Variants in FAM114A1 observed in about 807,000 individuals in gnomAD.
FAM114A1 encodes the protein family with sequence similarity 114 member A1.
FAM114A1 carries 62 observed loss-of-function variants against 64.3 expected under a neutral mutation model. That is an observed-to-expected ratio of 0.96 (90% CI 0.79 to 1.19). The LOEUF is 1.19. FAM114A1 is among the 50% of genes most tolerant of loss of function. FAM114A1 has a pLI of 0.00. For synonymous variants in FAM114A1, 254 were observed against 251.1 expected (o/e 1.01, Z -0.11); for missense variants, 645 against 676.3 (o/e 0.95, Z 0.51).
intron 4 of FAM114A1, among the ~76,000 whole-genome samples, chr4:38,905,191 G>C (rs1258125720): frequency 6.6e-6 from 1 of 152,150 alleles, no homozygotes; most frequent in Non-Finnish European, 1.5e-5. Flanking sequence ...GAGGTCAGGA[G>C]TTCAAGACAA....
At chr4:38,915,122 T>G (rs1718921525) in intron 8 of FAM114A1, 49 bp downstream of exon 8, 2 of 1,584,284 alleles carry the variant, frequency 1.3e-6, no homozygotes, top group Non-Finnish European at 8.6e-7. Flanking sequence ...CATGTGTTGC[T>G]TAAACATGAA....
At chr4:38,910,826 G>A (rs947178925) in intron 7 of FAM114A1, among the ~76,000 whole-genome samples, 3 of 152,282 alleles carry the variant, frequency 2.0e-5, no homozygotes, top group East Asian at 1.9e-4. Flanking sequence ...AGTGGGCTCC[G>A]GGCGAGAGCT....
intron 7 of FAM114A1, among the ~76,000 whole-genome samples, chr4:38,910,938 C>T (rs972606180): frequency 5.3e-5 from 8 of 152,130 alleles, no homozygotes; most frequent in African/African-American, 1.9e-4. Flanking sequence ...ATGGGGAAAC[C>T]ATTGCAGCAT....
At chr4:38,937,110 A>G (rs914342839) in intron 13 of FAM114A1, among the ~76,000 whole-genome samples, 2 of 152,204 alleles carry the variant, frequency 1.3e-5, no homozygotes, top group Admixed American at 6.5e-5. Context: ...TGCAAAGTCT[A>G]ATGATGTTCT....
At chr4:38,906,224 C>T (rs930234817) in intron 6 of FAM114A1, among the ~76,000 whole-genome samples, 17 of 152,182 alleles carry the variant, frequency 1.1e-4, no homozygotes, top group Non-Finnish European at 2.1e-4. Flanking sequence ...CTTATCTTAT[C>T]CCTGAGTTTG....
Position 38,873,275 on chromosome 4 carries a change from A to G in FAM114A1, c.-9+4729A>G, listed in dbSNP as rs142477298. 3.3e-5 allele frequency among the ~76,000 whole-genome samples: 5 copies of G among 152,344 alleles called. No individual in the cohort carries two copies. The East Asian group carries it at 7.7e-4, about 23-fold the overall frequency. ...AGGTCTGGCAGATATTTTTGCTTAC[A>G]CAAATACATTCTAACTCAATTAACT... On this transcript the variant is annotated intron_variant, in intron 2 of 14. Coordinates refer to ENST00000358869, the MANE Select transcript of FAM114A1 (RefSeq NM_138389.4).
At chr4:38,892,555 A>T (rs1309219247) in intron 4 of FAM114A1, among the ~76,000 whole-genome samples, 4 of 152,178 alleles carry the variant, frequency 2.6e-5, no homozygotes, top group Non-Finnish European at 1.5e-5. Flanking sequence ...ATTTGTCATG[A>T]TATTCTTCAT....
intron 4 of FAM114A1, among the ~76,000 whole-genome samples, chr4:38,892,197 C>G (rs531842547): frequency 3.3e-5 from 5 of 152,112 alleles, no homozygotes; most frequent in Admixed American, 6.6e-5. Context: ...TTTATCGTCC[C>G]ACTTGAATTT....
In FAM114A1 at chr4:38,945,535, C is replaced by T. The variant is rs1721898557; in HGVS notation, c.*1978C>T. The T allele has an allele frequency of 6.6e-6, 1 of 152,148 alleles. No homozygotes were observed. Among genetic ancestry groups the T allele is most frequent in the Non-Finnish European group, 1.5e-5 (1 of 68,012 alleles). 9.4% of individuals were successfully genotyped at this position (152,148 alleles called of 1,614,324 possible). On this transcript the variant is annotated 3_prime_UTR_variant, in exon 15 of 15. Transcript: ENST00000358869. ...CTCTTATTCACATTTGCTTTGATTC[C>T]CCGATGGAGTAGACTGCCTTTGTTC...
At chr4:38,901,378 C>T (rs1717505184) in intron 4 of FAM114A1, among the ~76,000 whole-genome samples, 1 of 152,130 alleles carries the variant, frequency 6.6e-6, no homozygotes, top group Non-Finnish European at 1.5e-5. Context: ...ACCCATGCCT[C>T]CTGGGTTCAA....
intron 3 of FAM114A1, among the ~76,000 whole-genome samples, chr4:38,889,256 A>T (rs1171426356): frequency 6.6e-6 from 1 of 152,218 alleles, no homozygotes; most frequent in East Asian, 1.9e-4. Context: ...ATCTGTCTTC[A>T]TAATGGTGTA....
At chr4:38,888,142 G>C (rs1026294947) in intron 3 of FAM114A1, among the ~76,000 whole-genome samples, 1 of 151,806 alleles carries the variant, frequency 6.6e-6, no homozygotes, top group African/African-American at 2.4e-5. Flanking sequence ...CTTTAAACTT[G>C]ATAGCTTAAA....
chr4:38,877,197 G>A (rs1041434699), intron 2 of FAM114A1, among the ~76,000 whole-genome samples: 4 of 152,128 alleles, frequency 2.6e-5, no homozygotes, highest in Non-Finnish European at 4.4e-5. Context: ...AAAGGGGTGC[G>A]GGGGAGATGC....
intron 4 of FAM114A1, among the ~76,000 whole-genome samples, chr4:38,901,089 T>C (rs1181579125): frequency 6.6e-6 from 1 of 152,098 alleles, no homozygotes; most frequent in African/African-American, 2.4e-5. Context: ...AAGGAAATAT[T>C]GTCTTAAAAA....
intron 4 of FAM114A1, among the ~76,000 whole-genome samples, chr4:38,902,468 A>T (rs1717606562): frequency 6.6e-6 from 1 of 152,216 alleles, no homozygotes; most frequent in African/African-American, 2.4e-5. Context: ...CTCATAAATG[A>T]TGGGAGCAGA....
At chr4:38,932,155 A>G in intron 11 of FAM114A1, 80 bp from the exon 12 acceptor site, 3 of 1,445,118 alleles carry the variant, frequency 2.1e-6, no homozygotes, top group East Asian at 2.3e-5. Context: ...AAAGAATTAT[A>G]TCACTTCTAA....
intron 8 of FAM114A1, among the ~76,000 whole-genome samples, chr4:38,922,243 T>C (rs778243203): frequency 3.3e-5 from 5 of 152,164 alleles, no homozygotes; most frequent in African/African-American, 9.7e-5. Flanking sequence ...TCTGGCCGTA[T>C]GCATGTATAT....
intron 12 of FAM114A1, among the ~76,000 whole-genome samples, 194 bp from the exon 13 acceptor site, chr4:38,935,519 GGATTA>G (rs1479253394): frequency 6.6e-6 from 1 of 152,178 alleles, no homozygotes; most frequent in African/African-American, 2.4e-5. Flanking sequence ...AAGAAAACCA[GGATTA>G]GATTAAACTG....
intron 2 of FAM114A1, among the ~76,000 whole-genome samples, chr4:38,868,850 C>T (rs7693912): frequency 0.2 from 31,021 of 152,080 alleles, 3,966 homozygotes; most frequent in Non-Finnish European, 0.28. Flanking sequence ...CCTGCGTCCC[C>T]GCCCTCCTTT....
Sources: allele counts gnomAD v4.1 joint callset (sites outside exome capture counted in the v4.1 genomes callset), GRCh38; gene constraint gnomAD v4.1.1; transcripts MANE v1.5; gene names NCBI Gene and HGNC (gene_info 2026-07-23, HGNC 2026-07-21).